The following STAU2 variants were observed in gnomAD, a reference collection of about 807,000 sequenced individuals.
STAU2 encodes double-stranded RNA-binding protein Staufen homolog 2.
A neutral mutation model predicts 65.9 loss-of-function variants in STAU2; 20 were observed. That is an observed-to-expected ratio of 0.30 (90% CI 0.21 to 0.44). The LOEUF (loss-of-function observed/expected upper bound fraction) is 0.44. STAU2 is among the 20% of genes least tolerant of loss of function. The pLI is 1.00. For synonymous variants in STAU2, 232 were observed against 233.9 expected (o/e 0.99, Z 0.07); for missense variants, 558 against 683.9 (o/e 0.82, Z 2.05).
intron 3 of STAU2, among the ~76,000 whole-genome samples, chr8:73,724,439 C>T (rs868279102): frequency 4.0e-4 from 61 of 152,018 alleles, no homozygotes; most frequent in African/African-American, 1.4e-3. Context: ...ACCATAGTGA[C>T]AAAGTGATAT....
At chr8:73,562,053 GA>G in intron 12 of STAU2, among the ~76,000 whole-genome samples, 1 of 152,234 alleles carries the variant, frequency 6.6e-6, no homozygotes, top group Non-Finnish European at 1.5e-5. Flanking sequence ...ATACATTTAA[GA>G]AGTTCTGGGC....
intron 13 of STAU2, among the ~76,000 whole-genome samples, chr8:73,466,300 G>A (rs1374832885): frequency 6.6e-6 from 1 of 152,112 alleles, no homozygotes; most frequent in Non-Finnish European, 1.5e-5. Flanking sequence ...TTTTTAATGT[G>A]GCTAGAAACT....
chr8:73,690,887 A>ACT (rs1181743842), intron 4 of STAU2, among the ~76,000 whole-genome samples: 2 of 151,918 alleles, frequency 1.3e-5, no homozygotes, highest in Non-Finnish European at 2.9e-5. Context: ...TATCTTTAAT[A>ACT]CTCTCTCTGG....
chr8:73,641,710 G>C (rs1419058460), intron 6 of STAU2, among the ~76,000 whole-genome samples: 1 of 152,148 alleles, frequency 6.6e-6, no homozygotes, highest in Non-Finnish European at 1.5e-5. Flanking sequence ...GTTTAATCTG[G>C]TATTGTCCAA....
intron 6 of STAU2, among the ~76,000 whole-genome samples, chr8:73,622,348 A>G (rs1813324810): frequency 1.3e-5 from 2 of 152,078 alleles, no homozygotes; most frequent in Non-Finnish European, 2.9e-5. Flanking sequence ...GGATCGTCTC[A>G]ATCTCCGACC....
At chr8:73,661,644 C>T (rs144006387) in intron 6 of STAU2, among the ~76,000 whole-genome samples, 266 of 152,280 alleles carry the variant, frequency 1.7e-3, no homozygotes, top group Middle Eastern at 3.4e-3. Context: ...TCTGTCACTA[C>T]GGATTAGTTT....
chr8:73,692,570 T>C (rs1311756958), intron 4 of STAU2, among the ~76,000 whole-genome samples: 1 of 152,186 alleles, frequency 6.6e-6, no homozygotes, highest in Non-Finnish European at 1.5e-5. Context: ...TAAATATAAG[T>C]ATGTGTTCCC....
At chr8:73,717,350 G>A (rs1051911236) in intron 3 of STAU2, among the ~76,000 whole-genome samples, 3 of 151,754 alleles carry the variant, frequency 2.0e-5, no homozygotes, top group Admixed American at 6.6e-5. Context: ...CCTAACTGAG[G>A]TCTAAAAATT....
At chr8:73,550,067 C>G in intron 13 of STAU2, 1 of 985,418 alleles carries the variant, frequency 1.0e-6, no homozygotes, top group Non-Finnish European at 1.2e-6. Flanking sequence ...GGAGATTCTG[C>G]TCACTGCTTA....
At chr8:73,737,953 C>CT (rs1035507416) in intron 3 of STAU2, among the ~76,000 whole-genome samples, 2 of 151,252 alleles carry the variant, frequency 1.3e-5, no homozygotes, top group African/African-American at 4.9e-5. Flanking sequence ...ACTAAAAATG[C>CT]TTTGAGTCTG....
At chr8:73,631,817 A>T (rs964168983) in intron 6 of STAU2, among the ~76,000 whole-genome samples, 1 of 152,176 alleles carries the variant, frequency 6.6e-6, no homozygotes, top group African/African-American at 2.4e-5. Flanking sequence ...GGAAACTCAA[A>T]CTGAGAAAAG....
intron 6 of STAU2, among the ~76,000 whole-genome samples, chr8:73,645,564 A>G (rs1165852238): frequency 6.6e-6 from 1 of 152,252 alleles, no homozygotes; most frequent in African/African-American, 2.4e-5. Context: ...TACACAACAC[A>G]GTGCTTGAAG....
chr8:73,694,339 T>TCAA (rs1483365905), intron 4 of STAU2, among the ~76,000 whole-genome samples: 1 of 152,164 alleles, frequency 6.6e-6, no homozygotes, highest in Non-Finnish European at 1.5e-5. Flanking sequence ...CACAATCTTA[T>TCAA]CAACACTGTT....
At chr8:73,484,692 T>C (rs1225405846) in intron 13 of STAU2, among the ~76,000 whole-genome samples, 1 of 152,136 alleles carries the variant, frequency 6.6e-6, no homozygotes, top group African/African-American at 2.4e-5. Context: ...TTCCTGTTTA[T>C]GGCTCCTGCT....
chr8:73,718,508 T>C (rs534752836), intron 3 of STAU2, among the ~76,000 whole-genome samples: 2 of 152,308 alleles, frequency 1.3e-5, no homozygotes, highest in East Asian at 3.9e-4. Flanking sequence ...AGCAGAGCAT[T>C]GTCTTGTTTG....
intron 6 of STAU2, among the ~76,000 whole-genome samples, chr8:73,667,196 A>T (rs1193175999): frequency 6.6e-6 from 1 of 152,104 alleles, no homozygotes; most frequent in East Asian, 1.9e-4. Flanking sequence ...GCATCACATT[A>T]TGCCTGAATT....
intron 13 of STAU2, among the ~76,000 whole-genome samples, chr8:73,451,676 T>C (rs1401588000): frequency 6.6e-6 from 1 of 151,746 alleles, no homozygotes; most frequent in Non-Finnish European, 1.5e-5. Flanking sequence ...GTGAGGAAGG[T>C]GGGCACTCCT....
chr8:73,501,929 C>T (rs1247892230), intron 13 of STAU2, among the ~76,000 whole-genome samples: 1 of 151,882 alleles, frequency 6.6e-6, no homozygotes, highest in Admixed American at 6.6e-5. Context: ...AAAAAGGAAG[C>T]AGGAGTTTCC....
chr8:73,728,083 T>C (rs780436272), intron 3 of STAU2: 2 of 152,206 alleles, frequency 1.3e-5, no homozygotes, highest in Non-Finnish European at 2.9e-5. Flanking sequence ...TTCGTTCTTG[T>C]ATTTTGGCCA....
Sources: allele counts gnomAD v4.1 joint callset (sites outside exome capture counted in the v4.1 genomes callset), GRCh38; gene constraint gnomAD v4.1.1; transcripts MANE v1.5; gene names NCBI Gene and HGNC (gene_info 2026-07-23, HGNC 2026-07-21).